Variants in PTPN14 observed in about 807,000 individuals in gnomAD.
PTPN14 encodes protein tyrosine phosphatase non-receptor type 14, also known as tyrosine-protein phosphatase non-receptor type 14.
PTPN14 carries 53 observed loss-of-function variants against 126.8 expected under a neutral mutation model. The observed-to-expected ratio is 0.42, with a 90% confidence interval of 0.34 to 0.53. The LOEUF is 0.53. Ranked by LOEUF, PTPN14 falls within the 20% of genes least tolerant of loss-of-function variation. PTPN14 has a pLI of 0.08. For missense variants in PTPN14, 1,257 were observed against 1,552.9 expected (o/e 0.81, Z 3.20); for synonymous variants, 630 against 599.3 (o/e 1.05, Z -0.75).
rs1318814064 is a variant in PTPN14 at position 214,364,469 on chromosome 1, T to TC, written c.3435+42dup. The TC allele has an allele frequency of 6.3e-7, 1 of 1,599,182 alleles. No homozygotes were observed. The highest frequency in any genetic ancestry group is 8.5e-7 in the Non-Finnish European group (1 of 1,171,350). On this transcript the variant is annotated intron_variant, in intron 18 of 18. Coordinates refer to ENST00000366956, the MANE Select transcript of PTPN14 (RefSeq NM_005401.5). The surrounding 1 kb of genome is among the most constrained non-coding windows in gnomAD (Gnocchi z 4.1). ...AAGGTTTGGCCAGGGTGTAGACTTG[T>TC]CCCCAAGGTGGAGTATCCGGAGAGA...
At chr1:214,417,599 A>G (rs913869448) in intron 3 of PTPN14, among the ~76,000 whole-genome samples, 1 of 152,196 alleles carries the variant, frequency 6.6e-6, no homozygotes, top group African/African-American at 2.4e-5. Context: ...ACATTTAGAG[A>G]TGAATTGCTA....
At chr1:214,479,898 T>C (rs575242746) in intron 1 of PTPN14, among the ~76,000 whole-genome samples, 2 of 150,810 alleles carry the variant, frequency 1.3e-5, no homozygotes, top group East Asian at 3.9e-4. Flanking sequence ...TTTTATTTCA[T>C]CATTTTAATT....
intron 1 of PTPN14, among the ~76,000 whole-genome samples, chr1:214,534,412 G>A (rs996315066): frequency 1.1e-4 from 17 of 152,114 alleles, no homozygotes; most frequent in African/African-American, 3.9e-4. Context: ...ACCAATCGTG[G>A]TATAATAAAA....
intron 1 of PTPN14, among the ~76,000 whole-genome samples, chr1:214,542,859 A>G (rs535888141): frequency 6.6e-6 from 1 of 152,322 alleles, no homozygotes; most frequent in South Asian, 2.1e-4. Context: ...TTAAACATCA[A>G]GCTGAAGTAT....
Position 214,377,994 on chromosome 1 carries a change from G to C in PTPN14, c.2653C>G (p.Arg885Gly), listed in dbSNP as rs1384446244. Residue 885 changes from arginine (R) to glycine (G), a missense_variant, in exon 14 of 19, where the codon CGA becomes GGA. Coordinates refer to ENST00000366956, the MANE Select transcript of PTPN14 (RefSeq NM_005401.5). Reference protein sequence around the residue: ...VARVSGREENRVDATRVPMDE... With the variant: ...VARVSGREENGVDATRVPMDE... ...ATGGGAACCCGGGTGGCATCAACTC[G>C]ATTCTCTTCCCGCCCTGAGACTCGA... 1.2e-6 allele frequency: 2 copies of C among 1,613,258 alleles called. No individual in the cohort carries two copies. The highest frequency in any genetic ancestry group is 1.7e-6 in the Non-Finnish European group (2 of 1,179,834).
In PTPN14 at chr1:214,451,953, A is replaced by C. The variant is rs1445675479; in HGVS notation, c.196T>G (p.Phe66Val). The change falls in exon 3 of 19, where the codon TTT becomes GTT. Residue 66 changes from phenylalanine to valine, a missense_variant. Phe to Val is a conservative substitution (Grantham distance 50, BLOSUM62 -1). Around this residue, in one of 3 missense-constraint regions of PTPN14, gnomAD observed 1,021 missense variants for 1,183.3 expected, o/e 0.86. Transcript: ENST00000366956. ...CGTGCTTGCTGGCTCTTGCTGAGAA[A>C]CCAAAGGCCAAAGTAGTGCGTCTAG... The part of the protein sequence containing the change: ...LRETHYFGLW[F>V]LSKSQQARWV... 7 of 1,613,976 alleles carry C rather than the reference A, an allele frequency of 4.3e-6. No individual in the cohort carries two copies. The highest frequency in any genetic ancestry group is 5.9e-6 in the Non-Finnish European group (7 of 1,179,950).
At chr1:214,462,565 A>G (rs933735590) in intron 2 of PTPN14, among the ~76,000 whole-genome samples, 1 of 152,174 alleles carries the variant, frequency 6.6e-6, no homozygotes, top group African/African-American at 2.4e-5. Flanking sequence ...AGTGAAGGCT[A>G]TGTTCATCTT....
chr1:214,494,635 A>G (rs1661320735), intron 1 of PTPN14, among the ~76,000 whole-genome samples: 1 of 152,202 alleles, frequency 6.6e-6, no homozygotes, highest in African/African-American at 2.4e-5. Context: ...AAGGGTAGAA[A>G]GAGATGACAC....
chr1:214,364,794 TG>T lies in PTPN14; in HGVS notation c.3272-120del. 1 of 927,916 alleles carries T rather than the reference TG, an allele frequency of 1.1e-6. No homozygotes were observed. Among genetic ancestry groups the T allele is most frequent in the South Asian group, 1.7e-5 (1 of 57,932 alleles). 57.5% of individuals were successfully genotyped at this position (927,916 alleles called of 1,614,324 possible). The stretch of plus-strand genomic sequence containing the variant: ...GTGTGTGTGTGTGTGTGTGTGTGTG[TG>T]TGTGTGTGTGTTTTAAGTGACAATA... On this transcript the variant is annotated intron_variant, in intron 17 of 18. Transcript: ENST00000366956. This position sits in a 1 kb window ranked among gnomAD's most constrained non-coding sequence, Gnocchi z 4.1.
At position 214,352,610 on chromosome 1, in the gene PTPN14, T is replaced by C. The variant is rs902981673; in HGVS notation, c.*5312A>G. The C allele has an allele frequency of 6.6e-6, 1 of 152,188 alleles. No homozygotes were observed. Among genetic ancestry groups the C allele is most frequent in the African/African-American group, 2.4e-5 (1 of 41,424 alleles). 9.4% of individuals were successfully genotyped at this position (152,188 alleles called of 1,614,324 possible). On this transcript the variant is annotated 3_prime_UTR_variant, in exon 19 of 19. Transcript: ENST00000366956. ...AAGCTTAAGTAAAGACAAGAACTAT[T>C]TTGCTTCCTTGCTCAGCGTTCAAGA...
rs1246810260 is a variant in PTPN14 at position 214,534,739 on chromosome 1, T to TAAATAAATAAAA, written c.-155+16443_-155+16444insTTTTATTTATTT. Reference sequence around the variant, plus strand: ...ATAAATAAATAAATAAATAAATAAATAAAAGACGGAATTATTGATCCCGAA... The same window carrying TAAATAAATAAAA: ...ATAAATAAATAAATAAATAAATAAATAAATAAATAAAAAAAAGACGGAATTATTGATCCCGAA... On this transcript the variant is annotated intron_variant, in intron 1 of 18. Coordinates refer to ENST00000366956, the MANE Select transcript of PTPN14 (RefSeq NM_005401.5). Among the ~76,000 whole-genome samples the TAAATAAATAAAA allele has an allele frequency of 1.2e-3, 188 of 151,894 alleles. 1 individual carries two copies. Among genetic ancestry groups the TAAATAAATAAAA allele is most frequent in the Non-Finnish European group, 2.2e-3 (149 of 67,954 alleles).
In PTPN14 at chr1:214,364,766, A is replaced by AGTGTGTTTGT; in HGVS notation, c.3272-92_3272-91insACAAACACAC. The AGTGTGTTTGT allele has an allele frequency of 1.7e-6, 1 of 590,314 alleles. No individual in the cohort carries two copies. The highest frequency in any genetic ancestry group is 2.2e-5 in the African/African-American group (1 of 44,456). The allele number at this position is 590,314 out of a possible 1,614,324, so 36.6% of individuals were successfully genotyped here. A position where few individuals can be genotyped will look rare whatever the true frequency, so the allele number is the denominator to read the frequency against. On this transcript the variant is annotated intron_variant, in intron 17 of 18. Coordinates refer to ENST00000366956, the MANE Select transcript of PTPN14 (RefSeq NM_005401.5). This position sits in a 1 kb window ranked among gnomAD's most constrained non-coding sequence, Gnocchi z 4.1. ...GGGGAGCGGAAGAGAACTGATGGTG[A>AGTGTGTTTGT]GTGTGTGTGTGTGTGTGTGTGTGTG... is the stretch of plus-strand genomic sequence containing the variant.
At chr1:214,478,286 T>A (rs1660908448) in intron 1 of PTPN14, among the ~76,000 whole-genome samples, 1 of 152,230 alleles carries the variant, frequency 6.6e-6, no homozygotes, top group Admixed American at 6.5e-5. Context: ...TAGGCTATTC[T>A]GCAGTTATTA....
At chr1:214,441,018 A>C (rs1660026509) in intron 3 of PTPN14, among the ~76,000 whole-genome samples, 1 of 152,194 alleles carries the variant, frequency 6.6e-6, no homozygotes, top group Admixed American at 6.5e-5. Flanking sequence ...TTTTTATGGA[A>C]CTAAACTCCC....
intron 3 of PTPN14, among the ~76,000 whole-genome samples, chr1:214,438,467 C>T (rs1210946904): frequency 6.6e-6 from 1 of 152,128 alleles, no homozygotes; most frequent in East Asian, 1.9e-4. Flanking sequence ...TTTGCAATTC[C>T]ACTTTTGGGA....
Position 214,369,623 on chromosome 1 carries a change from A to C in PTPN14, c.3105T>G (p.Tyr1035Ter). ...KLGSKHSSAT[Y>*]GKFKVTTKFR... ...ACTTCGTGGTGACCTTGAACTTGCC[A>C]TAGGTGGCTGAGCTGTGCTTTGAAC... is the stretch of plus-strand genomic sequence containing the variant. Residue 1035 changes from tyrosine to a stop codon, truncating the protein, a stop_gained, in exon 17 of 19, where the codon TAT becomes TAG. Transcript: ENST00000366956. LOFTEE classifies it high-confidence loss of function. 1 of 1,614,200 alleles carries C rather than the reference A, an allele frequency of 6.2e-7. No individual in the cohort carries two copies. The highest frequency in any genetic ancestry group is 2.2e-5 in the East Asian group (1 of 44,884).
At chr1:214,387,175 T>C (rs545571286) in intron 11 of PTPN14, among the ~76,000 whole-genome samples, 5 of 152,354 alleles carry the variant, frequency 3.3e-5, no homozygotes, top group Non-Finnish European at 5.9e-5. Context: ...GAGGTCACCA[T>C]CAAAGACTAA....
At chr1:214,478,659 C>T (rs528131613) in intron 1 of PTPN14, among the ~76,000 whole-genome samples, 1 of 152,244 alleles carries the variant, frequency 6.6e-6, no homozygotes, top group East Asian at 1.9e-4. Flanking sequence ...ATTCATTGAT[C>T]GTTTCAGCTA....
At chr1:214,398,035 C>T (rs1262621015) in intron 7 of PTPN14, 34 bp from the exon 8 acceptor site, 4 of 1,488,540 alleles carry the variant, frequency 2.7e-6, no homozygotes, top group Middle Eastern at 1.7e-4. Flanking sequence ...CTTGTGATGA[C>T]CCATGTTCAC....
Sources: allele counts gnomAD v4.1 joint callset (sites outside exome capture counted in the v4.1 genomes callset), GRCh38; gene constraint gnomAD v4.1.1; regional missense constraint gnomAD v4.1.1; non-coding constraint Gnocchi (gnomAD v3.1); transcripts MANE v1.5; gene names NCBI Gene and HGNC (gene_info 2026-07-23, HGNC 2026-07-21).